Variants in TNS3 observed in about 807,000 individuals in gnomAD.
TNS3 encodes tensin-3.
In TNS3, 45 loss-of-function variants were observed where a neutral mutation model predicts 140.9. The ratio of observed to expected loss-of-function variants is 0.32; its 90% CI spans 0.25 to 0.41. The LOEUF (loss-of-function observed/expected upper bound fraction) is 0.41, where lower values mean the gene tolerates loss of function less well. TNS3 is among the 10% of genes least tolerant of loss of function. The probability of loss-of-function intolerance (pLI) is 1.00; values close to 1 mark genes in which losing one functional copy is unlikely to be tolerated. For synonymous variants in TNS3, 815 were observed against 788.4 expected, an observed-to-expected ratio of 1.03 and a Z score of -0.56; for missense variants, 1,716 against 1,906.7, an observed-to-expected ratio of 0.90 and a Z score of 1.86.
chr7:47,388,436 G>A (rs1328542587), intron 16 of TNS3, among the ~76,000 whole-genome samples: 2 of 152,208 alleles, frequency 1.3e-5, no homozygotes, highest in African/African-American at 2.4e-5. Flanking sequence ...GGGAAGGAAT[G>A]TAGGGCAGGG....
chr7:47,425,258 A>G (rs1372339130), intron 9 of TNS3, among the ~76,000 whole-genome samples: 3 of 152,160 alleles, frequency 2.0e-5, no homozygotes, highest in African/African-American at 4.8e-5. Flanking sequence ...CAGAGGTTGT[A>G]GTGAGCAGAG....
intron 2 of TNS3, among the ~76,000 whole-genome samples, chr7:47,519,816 CTTTTTTTTTT>C (rs34418629): frequency 6.7e-5 from 5 of 74,824 alleles, no homozygotes; most frequent in Non-Finnish European, 1.1e-4. Context: ...CCTCACATTT[CTTTTTTTTTT>C]TTTTTTTTTT....
chr7:47,525,225 G>A (rs10267211), intron 2 of TNS3, among the ~76,000 whole-genome samples: 5,672 of 152,234 alleles, frequency 0.037, 108 homozygotes, highest in South Asian at 0.11. Flanking sequence ...CGCTCTAGGT[G>A]TCTCGCTGCC....
At chr7:47,396,674 G>A in intron 16 of TNS3, 126 bp downstream of exon 16, 7 of 761,658 alleles carry the variant, frequency 9.2e-6, no homozygotes, top group Non-Finnish European at 1.4e-5. Context: ...GTGTGATTCT[G>A]GACCTCTGAG....
intron 27 of TNS3, among the ~76,000 whole-genome samples, chr7:47,287,458 T>C (rs1461806307): frequency 6.6e-6 from 1 of 152,180 alleles, no homozygotes; most frequent in African/African-American, 2.4e-5. Context: ...ACATTGCACA[T>C]CCAGGAGTCT....
At chr7:47,547,724 C>T (rs115758977) in intron 1 of TNS3, among the ~76,000 whole-genome samples, 1,847 of 152,306 alleles carry the variant, frequency 0.012, 35 homozygotes, top group African/African-American at 0.042. Context: ...AGTCCTTTCT[C>T]ATCAGTGCAT....
intron 18 of TNS3, among the ~76,000 whole-genome samples, chr7:47,345,906 A>G (rs1156334351): frequency 6.6e-6 from 1 of 152,218 alleles, no homozygotes. Flanking sequence ...TAGAACATAG[A>G]GGCTCGAGTG....
At chr7:47,496,521 T>C (rs1246682911) in intron 3 of TNS3, among the ~76,000 whole-genome samples, 1 of 152,082 alleles carries the variant, frequency 6.6e-6, no homozygotes, top group Non-Finnish European at 1.5e-5. Context: ...AGGCTGCCAA[T>C]CAGCCCGCTG....
intron 3 of TNS3, among the ~76,000 whole-genome samples, chr7:47,505,028 T>C (rs560553025): frequency 6.6e-6 from 1 of 152,282 alleles, no homozygotes; most frequent in Non-Finnish European, 1.5e-5. Flanking sequence ...ACAGGCTTCA[T>C]TTAAGAAATG....
rs1795231840 is a variant in TNS3, at chr7:47,437,318, AAAAG to A, written c.151-9_151-6del. 1 of 1,366,978 alleles carries A rather than the reference AAAAG, an allele frequency of 7.3e-7. No individual in the cohort carries two copies. Among genetic ancestry groups the A allele is most frequent in the African/African-American group, 1.5e-5 (1 of 66,944 alleles). The allele number at this position is 1,366,978 out of a possible 1,614,324, so 84.7% of individuals were successfully genotyped here. A position where few individuals can be genotyped will look rare whatever the true frequency, so the allele number is the denominator to read the frequency against. On this transcript the variant is annotated splice_polypyrimidine_tract_variant and splice_region_variant and intron_variant, in intron 6 of 30. Coordinates refer to ENST00000311160, the MANE Select transcript of TNS3 (RefSeq NM_022748.12). ...CTTTTCTGAAAGGTTTAATACCTAT[AAAAG>A]AGAGGAAAAATTGCCTTGCATAAAA...
intron 2 of TNS3, among the ~76,000 whole-genome samples, chr7:47,515,233 G>A (rs536769818): frequency 6.6e-6 from 1 of 152,322 alleles, no homozygotes; most frequent in African/African-American, 2.4e-5. Context: ...GTGAAAGTCA[G>A]GGACCTGAAA....
At chr7:47,416,919 C>A (rs1183965581) in intron 10 of TNS3, among the ~76,000 whole-genome samples, 2 of 152,206 alleles carry the variant, frequency 1.3e-5, no homozygotes, top group East Asian at 3.8e-4. Context: ...CAGCACGGGG[C>A]AGCCCTGGTC....
chr7:47,528,891 G>T (rs577783992), intron 2 of TNS3, 145 bp downstream of exon 2: 6 of 360,938 alleles, frequency 1.7e-5, no homozygotes, highest in Non-Finnish European at 2.5e-5. Flanking sequence ...GCTAAGTAAG[G>T]GGGTAGGGGG....
chr7:47,479,493 C>G (rs569296802), intron 4 of TNS3, among the ~76,000 whole-genome samples: 4 of 151,594 alleles, frequency 2.6e-5, no homozygotes, highest in Admixed American at 6.6e-5. Flanking sequence ...CCCCCACCCC[C>G]CCGTCGGCGG....
At chr7:47,296,975 T>C (rs1562769593) in intron 24 of TNS3, 107 bp downstream of exon 24, 4 of 1,367,064 alleles carry the variant, frequency 2.9e-6, no homozygotes, top group Non-Finnish European at 4.0e-6. Context: ...AAGAATAAAA[T>C]TTGTGAGTAT....
chr7:47,285,201 C>T (rs953567665), intron 27 of TNS3, among the ~76,000 whole-genome samples: 2 of 152,206 alleles, frequency 1.3e-5, no homozygotes, highest in African/African-American at 4.8e-5. Context: ...CTGGACCATC[C>T]TTTCTATCCA....
At chr7:47,484,726 G>T (rs1404453053) in intron 3 of TNS3, among the ~76,000 whole-genome samples, 1 of 152,214 alleles carries the variant, frequency 6.6e-6, no homozygotes, top group African/African-American at 2.4e-5. Flanking sequence ...CATCAGGAGG[G>T]TATCTCCTGT....
intron 14 of TNS3, 54 bp from the exon 15 acceptor site, chr7:47,400,512 T>C: frequency 6.4e-7 from 1 of 1,572,478 alleles, no homozygotes; most frequent in South Asian, 1.1e-5. Context: ...ACCGGAAAAG[T>C]ATGGACTGAC....
In TNS3 at chr7:47,369,245, G is replaced by T; in HGVS notation, c.1401C>A (p.Asp467Glu). 1 of 1,614,202 alleles carries T rather than the reference G, an allele frequency of 6.2e-7. No individual in the cohort carries two copies. The highest frequency in any genetic ancestry group is 1.6e-4 in the Middle Eastern group (1 of 6,062). The change falls in exon 17 of 31, where the codon GAC becomes GAA. Residue 467 changes from aspartate (D) to glutamate (E), a missense_variant. Around this residue, in one of 3 missense-constraint regions of TNS3, gnomAD observed 1,163 missense variants for 1,182.1 expected, o/e 0.98. Coordinates refer to ENST00000311160, the MANE Select transcript of TNS3 (RefSeq NM_022748.12). ...CTGTCTCCCGATCCTTCAGAGCAGC[G>T]TCTCCATTCACGTGAACCTGGGCTG... ...VVPAQVHVNG[D>E]AALKDRETDI...
Sources: allele counts gnomAD v4.1 joint callset (sites outside exome capture counted in the v4.1 genomes callset), GRCh38; gene constraint gnomAD v4.1.1; regional missense constraint gnomAD v4.1.1; transcripts MANE v1.5; gene names NCBI Gene and HGNC (gene_info 2026-07-23, HGNC 2026-07-21).